The following COL21A1 variants were observed in gnomAD, a reference collection of about 807,000 sequenced individuals.
COL21A1 encodes the protein collagen alpha-1(XXI) chain.
In COL21A1, 149 loss-of-function variants were observed where a neutral mutation model predicts 137.9. That is an observed-to-expected ratio of 1.08 (90% CI 0.95 to 1.24). The LOEUF (loss-of-function observed/expected upper bound fraction) is 1.24. Ranked by LOEUF, COL21A1 falls within the 50% of genes most tolerant of loss-of-function variation. The pLI, the probability that COL21A1 is intolerant of heterozygous loss-of-function variation, is 0.00. For missense variants in COL21A1, 1,167 were observed against 1,158.4 expected, an observed-to-expected ratio of 1.01 and a Z score of -0.11; for synonymous variants, 456 against 391.5, an observed-to-expected ratio of 1.16 and a Z score of -1.95.
chr6:56,064,638 A>G lies in COL21A1; in HGVS notation c.2128-16T>C. ...CCTTTTGACCCTTTAAAATAAAAAA[A>G]AACATTATTGATTAGTTTGCACACT... On this transcript the variant is annotated splice_polypyrimidine_tract_variant and intron_variant, in intron 23 of 29. Transcript: ENST00000244728. The G allele has an allele frequency of 6.4e-7, 1 of 1,555,292 alleles. No individual in the cohort carries two copies. Among genetic ancestry groups the G allele is most frequent in the Admixed American group, 1.9e-5 (1 of 53,608 alleles).
intron 1 of COL21A1, among the ~76,000 whole-genome samples, chr6:56,389,647 C>A (rs551888551): frequency 6.6e-6 from 1 of 152,224 alleles, no homozygotes; most frequent in South Asian, 2.1e-4. Context: ...CATAATCAAA[C>A]TCTCGAAGGT....
At chr6:56,275,236 T>C (rs1284660218) in intron 1 of COL21A1, among the ~76,000 whole-genome samples, 2 of 152,158 alleles carry the variant, frequency 1.3e-5, no homozygotes, top group East Asian at 3.8e-4. Flanking sequence ...AAGATTTAAA[T>C]ATAAGACCTC....
intron 1 of COL21A1, among the ~76,000 whole-genome samples, chr6:56,190,807 T>G (rs1778620398): frequency 1.3e-5 from 2 of 152,132 alleles, no homozygotes; most frequent in Non-Finnish European, 1.5e-5. Flanking sequence ...ATAAATGTGA[T>G]TCATCACATA....
rs764028945 is a variant in COL21A1 at position 56,156,920 on chromosome 6, G to C, written c.1401C>G (p.Gly467=). The C allele has an allele frequency of 1.2e-6, 2 of 1,612,226 alleles. No homozygotes were observed. The highest frequency in any genetic ancestry group is 1.7e-5 in the Admixed American group (1 of 59,776). ...CATCTTGACCAGGTTGTCCAGGGTA[G>C]CCAGGGTTCCCAGGCAGTCCAGGGT... ...KGDPGLPGNP[G]YPGQPGQDGK... Residue 467 remains glycine, a synonymous_variant, in exon 10 of 30, where the codon GGC becomes GGG. Transcript: ENST00000244728.
At chr6:56,297,628 AG>A (rs1217388250) in intron 1 of COL21A1, among the ~76,000 whole-genome samples, 2 of 152,180 alleles carry the variant, frequency 1.3e-5, no homozygotes, top group Non-Finnish European at 2.9e-5. Flanking sequence ...CTCTGATCAA[AG>A]AATCACTTGG....
chr6:56,231,816 G>GT (rs1293037955), intron 1 of COL21A1, among the ~76,000 whole-genome samples: 3 of 151,602 alleles, frequency 2.0e-5, no homozygotes, highest in African/African-American at 7.3e-5. Context: ...GACATATACG[G>GT]TAACATTCAG....
At chr6:56,102,035 T>C (rs1275567894) in intron 16 of COL21A1, among the ~76,000 whole-genome samples, 1 of 152,160 alleles carries the variant, frequency 6.6e-6, no homozygotes, top group East Asian at 1.9e-4. Context: ...ACATCTATAA[T>C]GCATATTTTA....
rs537759085 is a variant in COL21A1, at chr6:56,141,963, C to T, written c.1455G>A (p.Gly485=). Residue 485 remains glycine, a synonymous_variant, in exon 11 of 30, where the codon GGG becomes GGA. Transcript: ENST00000244728. ...CTGGAGATCCTGGAACACCTGGTGT[C>T]CCTGCAATTCCCTGATATCCCTAAA... ...DGKPGYQGIA[G]TPGVPGSPGI... The T allele has an allele frequency of 6.5e-6, 10 of 1,536,206 alleles. No individual in the cohort carries two copies. The African/African-American group carries it at 8.3e-5, about 13-fold the overall frequency.
intron 16 of COL21A1, among the ~76,000 whole-genome samples, chr6:56,121,015 T>C (rs2152206023): frequency 6.6e-6 from 1 of 152,154 alleles, no homozygotes; most frequent in Non-Finnish European, 1.5e-5. Context: ...CACAATGGAG[T>C]ACTATTCAGC....
At chr6:56,135,972 G>A (rs144177108) in intron 12 of COL21A1, among the ~76,000 whole-genome samples, 158 of 151,760 alleles carry the variant, frequency 1.0e-3, no homozygotes, top group African/African-American at 3.6e-3. Flanking sequence ...TTTTTTTCTC[G>A]GTACAACTAC....
chr6:56,083,698 C>A (rs1361630259), intron 17 of COL21A1, among the ~76,000 whole-genome samples: 1 of 151,780 alleles, frequency 6.6e-6, no homozygotes, highest in Non-Finnish European at 1.5e-5. Context: ...CATCTAAATT[C>A]AAATTATGAA....
In COL21A1 at chr6:56,170,970, C is replaced by A; in HGVS notation, c.799G>T (p.Glu267Ter). Residue 267 changes from glutamate to a stop codon, truncating the protein, a stop_gained, in exon 4 of 30, where the codon GAA (glutamate) becomes TAA (stop). Transcript: ENST00000244728. LOFTEE classifies it high-confidence loss of function. ...ACATATAATGCATACCTTGTGAGTT[C>A]TGATAAATCAACTTTTGATGTTACT... ...YEVTSKVDLS[E>*]LTSNVFPEGL... is the part of the protein sequence containing the mutation. 1 of 1,602,290 alleles carries A rather than the reference C, an allele frequency of 6.2e-7. No homozygotes were observed. The highest frequency in any genetic ancestry group is 1.1e-5 in the South Asian group (1 of 88,618).
intron 1 of COL21A1, among the ~76,000 whole-genome samples, chr6:56,323,920 C>A (rs1764936567): frequency 6.6e-6 from 1 of 152,052 alleles, no homozygotes; most frequent in African/African-American, 2.4e-5. Context: ...GGGTTCAGGG[C>A]AGCCTGACTA....
At chr6:56,201,852 A>G (rs1398819993) in intron 1 of COL21A1, among the ~76,000 whole-genome samples, 1 of 152,182 alleles carries the variant, frequency 6.6e-6, no homozygotes, top group East Asian at 1.9e-4. Context: ...TAGCCAACCC[A>G]CTATTTAACT....
At chr6:56,149,981 T>C (rs182833649) in intron 10 of COL21A1, among the ~76,000 whole-genome samples, 1 of 152,286 alleles carries the variant, frequency 6.6e-6, no homozygotes, top group Non-Finnish European at 1.5e-5. Flanking sequence ...GCCAAACTCA[T>C]AACAATGGTC....
intron 1 of COL21A1, among the ~76,000 whole-genome samples, chr6:56,318,707 G>A (rs1764799340): frequency 6.6e-6 from 1 of 151,820 alleles, no homozygotes; most frequent in Non-Finnish European, 1.5e-5. Context: ...ACCTTCTCAA[G>A]CACACCTCTC....
chr6:56,252,730 C>A (rs77646311), intron 1 of COL21A1, among the ~76,000 whole-genome samples: 4,430 of 152,106 alleles, frequency 0.029, 216 homozygotes, highest in African/African-American at 0.1. Flanking sequence ...AATTCTACTG[C>A]CCTACTAAAA....
At chr6:56,147,803 G>T (rs1185355074) in intron 10 of COL21A1, among the ~76,000 whole-genome samples, 1 of 152,066 alleles carries the variant, frequency 6.6e-6, no homozygotes, top group Non-Finnish European at 1.5e-5. Flanking sequence ...TGAATTAGCT[G>T]GTCAGGCTCA....
chr6:56,344,726 C>T (rs1196793001), intron 1 of COL21A1, among the ~76,000 whole-genome samples: 1 of 152,070 alleles, frequency 6.6e-6, no homozygotes, highest in East Asian at 1.9e-4. Flanking sequence ...CAGATTTCCC[C>T]CTTGCTGTTC....
Sources: allele counts gnomAD v4.1 joint callset (sites outside exome capture counted in the v4.1 genomes callset), GRCh38; gene constraint gnomAD v4.1.1; transcripts MANE v1.5; gene names NCBI Gene and HGNC (gene_info 2026-07-23, HGNC 2026-07-21).